Variants in IKZF2 observed in about 807,000 individuals in gnomAD.
IKZF2 encodes the protein IKAROS family zinc finger 2, also known as zinc finger protein Helios.
Under a neutral mutation model 49.2 loss-of-function variants are expected in IKZF2, and 15 were observed. The ratio of observed to expected loss-of-function variants is 0.30; its 90% CI spans 0.20 to 0.47. The LOEUF is 0.47. Ranked by LOEUF, IKZF2 falls within the 20% of genes least tolerant of loss-of-function variation. The pLI is 1.00. For missense variants in IKZF2, 567 were observed against 664.6 expected (o/e 0.85, Z 1.61); for synonymous variants, 227 against 221.4 (o/e 1.03, Z -0.23).
chr2:213,010,272 A>G (rs1230935523), intron 8 of IKZF2, among the ~76,000 whole-genome samples: 1 of 152,114 alleles, frequency 6.6e-6, no homozygotes, highest in Non-Finnish European at 1.5e-5. Context: ...TTCTGAAGCC[A>G]AGGAAATAAC....
intron 4 of IKZF2, among the ~76,000 whole-genome samples, chr2:213,099,974 A>G (rs58307024): frequency 0.04 from 6,084 of 152,198 alleles, 259 homozygotes; most frequent in African/African-American, 0.11. Flanking sequence ...AGATTACTTT[A>G]TAAAAATCAT....
At chr2:213,050,126 G>A (rs1038376604) in intron 5 of IKZF2, among the ~76,000 whole-genome samples, 1 of 152,112 alleles carries the variant, frequency 6.6e-6, no homozygotes, top group African/African-American at 2.4e-5. Context: ...TGACTCAGAA[G>A]AATAACAATA....
intron 8 of IKZF2, among the ~76,000 whole-genome samples, chr2:213,012,812 C>T (rs143128909): frequency 2.5e-4 from 38 of 152,138 alleles, no homozygotes; most frequent in African/African-American, 8.4e-4. Flanking sequence ...TTGTCTCAAT[C>T]ACCATTTAAT....
intron 4 of IKZF2, among the ~76,000 whole-genome samples, chr2:213,079,008 T>C (rs1703590000): frequency 6.6e-6 from 1 of 152,202 alleles, no homozygotes; most frequent in African/African-American, 2.4e-5. Flanking sequence ...AAACCTTAAA[T>C]ACAGCATTTG....
In IKZF2 at chr2:213,005,191, T is replaced by TGGGGGGGG. The variant is rs58270171; in HGVS notation, c.*2161_*2168dup. On this transcript the variant is annotated 3_prime_UTR_variant, in exon 9 of 9. Coordinates refer to ENST00000434687, the MANE Select transcript of IKZF2 (RefSeq NM_001387220.1). ...CAATTATTATTTGGGAGTGGTTGGG[T>TGGGGGGGG]GGGGGGGGGTGAGCGAGTCTCAAAA... 1.3e-5 allele frequency: 1 copy of TGGGGGGGG among 76,782 alleles called. No homozygotes were observed. The highest frequency in any genetic ancestry group is 2.8e-5 in the Non-Finnish European group (1 of 35,868). The allele number at this position is 76,782 out of a possible 1,614,324, so 4.8% of individuals were successfully genotyped here.
chr2:213,058,588 CA>C (rs1237544637), intron 4 of IKZF2, among the ~76,000 whole-genome samples: 1 of 151,844 alleles, frequency 6.6e-6, no homozygotes, highest in Non-Finnish European at 1.5e-5. Context: ...CCATTTCTAA[CA>C]GAGTACCAAC....
intron 5 of IKZF2, among the ~76,000 whole-genome samples, chr2:213,050,927 A>C (rs760616399): frequency 2.0e-5 from 3 of 152,096 alleles, no homozygotes; most frequent in Non-Finnish European, 4.4e-5. Context: ...AAAATGTATC[A>C]TACTAAAGCT....
At chr2:213,010,744 C>T (rs1455180212) in intron 8 of IKZF2, among the ~76,000 whole-genome samples, 1 of 152,026 alleles carries the variant, frequency 6.6e-6, no homozygotes, top group African/African-American at 2.4e-5. Flanking sequence ...AGCTGTAAGC[C>T]AGTGGGTGGT....
chr2:213,073,142 T>G (rs1357476557), intron 4 of IKZF2, among the ~76,000 whole-genome samples: 6 of 152,124 alleles, frequency 3.9e-5, no homozygotes, highest in African/African-American at 1.2e-4. Context: ...TCTTTGTGAT[T>G]TGGGGGAAGT....
At chr2:213,040,047 T>A (rs1369327155) in intron 6 of IKZF2, among the ~76,000 whole-genome samples, 1 of 152,128 alleles carries the variant, frequency 6.6e-6, no homozygotes, top group African/African-American at 2.4e-5. Context: ...TCAAATGTAT[T>A]TGGATGATTC....
At chr2:213,110,174 T>A (rs1331443455) in intron 4 of IKZF2, among the ~76,000 whole-genome samples, 1 of 152,006 alleles carries the variant, frequency 6.6e-6, no homozygotes, top group Non-Finnish European at 1.5e-5. Context: ...GGTTTAGTTG[T>A]TATTATTAGT....
intron 5 of IKZF2, among the ~76,000 whole-genome samples, chr2:213,050,771 A>AT (rs1559208596): frequency 6.6e-6 from 1 of 152,178 alleles, no homozygotes; most frequent in Non-Finnish European, 1.5e-5. Context: ...ATATAAAAAC[A>AT]TGTACGCAAT....
At chr2:213,123,640 A>T (rs2060128262) in intron 4 of IKZF2, among the ~76,000 whole-genome samples, 1 of 152,184 alleles carries the variant, frequency 6.6e-6, no homozygotes, top group African/African-American at 2.4e-5. Context: ...TAAAGTGCTT[A>T]AAAGTAACAA....
At chr2:213,149,245 C>A (rs60027377) in intron 2 of IKZF2, among the ~76,000 whole-genome samples, 7,468 of 152,146 alleles carry the variant, frequency 0.049, 610 homozygotes, top group African/African-American at 0.17. Context: ...TTCAATGTAA[C>A]CTTAATTTCC....
intron 4 of IKZF2, among the ~76,000 whole-genome samples, chr2:213,130,098 C>T (rs1257071765): frequency 1.3e-5 from 2 of 152,060 alleles, no homozygotes; most frequent in Non-Finnish European, 2.9e-5. Context: ...GAAGGCACAC[C>T]TTCTCTATTT....
At chr2:213,145,898 T>C (rs1287127095) in intron 4 of IKZF2, among the ~76,000 whole-genome samples, 1 of 152,200 alleles carries the variant, frequency 6.6e-6, no homozygotes, top group South Asian at 2.1e-4. Context: ...AAAGCTCAAA[T>C]GTCAAAAGCA....
chr2:213,035,661 G>C (rs1008500799), intron 6 of IKZF2, among the ~76,000 whole-genome samples: 6 of 152,182 alleles, frequency 3.9e-5, no homozygotes, highest in African/African-American at 1.4e-4. Flanking sequence ...CAGTAGGAAA[G>C]AATAAAGAAA....
intron 4 of IKZF2, among the ~76,000 whole-genome samples, chr2:213,079,989 T>C (rs1703750703): frequency 6.6e-6 from 1 of 152,188 alleles, no homozygotes; most frequent in Non-Finnish European, 1.5e-5. Context: ...CCTAATCTGA[T>C]AAACTGCTGA....
At chr2:213,053,403 C>G (rs540320810) in intron 5 of IKZF2, among the ~76,000 whole-genome samples, 2 of 151,840 alleles carry the variant, frequency 1.3e-5, no homozygotes, top group African/African-American at 4.8e-5. Context: ...TTTTATGTAC[C>G]TTCATAAACA....
Sources: gnomAD v4.1 joint callset for allele counts (sites outside exome capture counted in the v4.1 genomes callset) on GRCh38, gnomAD v4.1.1 for gene constraint, MANE v1.5 for transcripts, NCBI Gene and HGNC (gene_info 2026-07-23, HGNC 2026-07-21) for gene names.